The following TNPO1 variants were observed in gnomAD, a reference collection of about 807,000 sequenced individuals.
TNPO1 encodes the protein transportin 1.
TNPO1 carries 8 observed loss-of-function variants against 119.5 expected under a neutral mutation model. That is an observed-to-expected ratio of 0.07 (90% CI 0.04 to 0.12). TNPO1 has a LOEUF of 0.12. Ranked by LOEUF, TNPO1 falls within the 10% of genes least tolerant of loss-of-function variation. TNPO1 has a pLI of 1.00. For missense variants in TNPO1, 576 were observed against 1,089.8 expected, an observed-to-expected ratio of 0.53 and a Z score of 6.64; for synonymous variants, 362 against 363.0, an observed-to-expected ratio of 1.00 and a Z score of 0.03.
At chr5:72,829,310 G>A (rs1404622676) in intron 1 of TNPO1, among the ~76,000 whole-genome samples, 3 of 152,172 alleles carry the variant, frequency 2.0e-5, no homozygotes, top group South Asian at 2.1e-4. Flanking sequence ...AAAGACTTCC[G>A]TTGGATAGAA....
intron 15 of TNPO1, among the ~76,000 whole-genome samples, chr5:72,892,323 ATGT>A (rs1749124479): frequency 6.6e-6 from 1 of 151,836 alleles, no homozygotes. Flanking sequence ...CTTTTATATG[ATGT>A]TCTCGTAACT....
Position 72,859,673 on chromosome 5 carries a change from G to T in TNPO1, c.356-2135G>T, listed in dbSNP as rs1746277002. On this transcript the variant is annotated intron_variant, in intron 4 of 24. Coordinates refer to ENST00000337273, the MANE Select transcript of TNPO1 (RefSeq NM_002270.4). ...CTCTTGTTTAGAGAGTATACAGTTTGTTTGTAATTTTATTATTTCAATGAA... is the reference window on the plus strand; with the variant it reads ...CTCTTGTTTAGAGAGTATACAGTTTTTTTGTAATTTTATTATTTCAATGAA... 2.6e-5 allele frequency among the ~76,000 whole-genome samples: 4 copies of T among 152,180 alleles called. 1 individual carries two copies. The South Asian group carries it at 8.3e-4, about 32-fold the overall frequency.
At chr5:72,897,694 A>G (rs982416402) in intron 20 of TNPO1, among the ~76,000 whole-genome samples, 4 of 151,218 alleles carry the variant, frequency 2.6e-5, no homozygotes, top group Non-Finnish European at 5.9e-5. Context: ...TGTTTATATT[A>G]AAGAGTACCT....
At chr5:72,838,362 C>T (rs952952127) in intron 1 of TNPO1, among the ~76,000 whole-genome samples, 6 of 152,202 alleles carry the variant, frequency 3.9e-5, no homozygotes, top group Non-Finnish European at 7.4e-5. Flanking sequence ...AATGGTTATC[C>T]CAGTGTGCTA....
At chr5:72,823,607 C>T (rs529241659) in intron 1 of TNPO1, among the ~76,000 whole-genome samples, 1 of 152,316 alleles carries the variant, frequency 6.6e-6, no homozygotes, top group African/African-American at 2.4e-5. Context: ...GCCCCTTACC[C>T]TCTTGATGTT....
chr5:72,817,607 C>T (rs1019587310), intron 1 of TNPO1, among the ~76,000 whole-genome samples: 1 of 152,160 alleles, frequency 6.6e-6, no homozygotes, highest in African/African-American at 2.4e-5. Flanking sequence ...AAATTGGAGG[C>T]TATCTACAAA....
intron 5 of TNPO1, chr5:72,862,358 T>G (rs1345940384): frequency 6.2e-6 from 1 of 162,362 alleles, no homozygotes; most frequent in African/African-American, 2.4e-5. Flanking sequence ...AGACAGGGTC[T>G]CACTCTGTTT....
In TNPO1 at chr5:72,891,884, C is replaced by G. The variant is rs1205002415; in HGVS notation, c.1776C>G (p.Phe592Leu). The part of the protein sequence containing the change: ...NMLKDEDKDL[F>L]PLLECLSSVA... ...TAAAGGATGAAGATAAAGATCTCTT[C>G]CCTTTACTTGAGGTATGCAGGGCTA... Residue 592 changes from phenylalanine (F) to leucine (L), a missense_variant, in exon 15 of 25, where the codon TTC becomes TTG. Around this residue, in one of 6 missense-constraint regions of TNPO1, gnomAD observed 23 missense variants for 105.8 expected, o/e 0.22. Transcript: ENST00000337273. 2 of 1,611,088 alleles carry G rather than the reference C, an allele frequency of 1.2e-6. No individual in the cohort carries two copies. Among genetic ancestry groups the G allele is most frequent in the South Asian group, 1.1e-5 (1 of 90,576 alleles).
intron 6 of TNPO1, among the ~76,000 whole-genome samples, chr5:72,866,986 G>A (rs1048849616): frequency 2.6e-5 from 4 of 151,836 alleles, no homozygotes; most frequent in Admixed American, 2.6e-4. Context: ...ACCAGCCTAC[G>A]CAACATAGCA....
chr5:72,835,209 A>G (rs1460709029), intron 1 of TNPO1, among the ~76,000 whole-genome samples: 1 of 152,210 alleles, frequency 6.6e-6, no homozygotes, highest in African/African-American at 2.4e-5. Context: ...CAATTTTTGT[A>G]CTGATTTAAT....
intron 6 of TNPO1, among the ~76,000 whole-genome samples, chr5:72,867,634 AGACCTT>A (rs1747018169): frequency 6.6e-6 from 1 of 152,226 alleles, no homozygotes; most frequent in Non-Finnish European, 1.5e-5. Context: ...AACAAAATGA[AGACCTT>A]GACAACAGTC....
intron 9 of TNPO1, chr5:72,878,825 T>A: frequency 2.5e-6 from 1 of 399,138 alleles, no homozygotes; most frequent in African/African-American, 2.1e-5. Context: ...CTTTTTTTCT[T>A]CAAGAGCAGA....
intron 1 of TNPO1, 22 bp downstream of exon 1, chr5:72,816,774 G>A (rs2112143756): frequency 6.3e-7 from 1 of 1,581,308 alleles, no homozygotes; most frequent in Non-Finnish European, 8.6e-7. Flanking sequence ...GAGGGTGCGC[G>A]GCCCCGAACT....
At chr5:72,882,053 A>T (rs1264532265) in intron 9 of TNPO1, among the ~76,000 whole-genome samples, 4 of 152,226 alleles carry the variant, frequency 2.6e-5, no homozygotes, top group Admixed American at 2.0e-4. Flanking sequence ...GTTGATAAAG[A>T]TCATCAGTGA....
chr5:72,906,275 C>CTTTTCTT (rs1750152401), intron 24 of TNPO1, among the ~76,000 whole-genome samples: 1 of 54,674 alleles, frequency 1.8e-5, no homozygotes, highest in African/African-American at 6.8e-5. Flanking sequence ...TTTTTTTTTT[C>CTTTTCTT]TTTTTTTTTT....
intron 20 of TNPO1, among the ~76,000 whole-genome samples, chr5:72,898,435 T>C (rs1392712018): frequency 6.6e-6 from 1 of 152,140 alleles, no homozygotes; most frequent in Non-Finnish European, 1.5e-5. Flanking sequence ...CTAAAGTTGA[T>C]GGATTAAATT....
chr5:72,838,466 CT>C (rs1744785344), intron 1 of TNPO1, among the ~76,000 whole-genome samples: 1 of 151,958 alleles, frequency 6.6e-6, no homozygotes, highest in South Asian at 2.1e-4. Context: ...TGAATCATAC[CT>C]TTTATTAACT....
chr5:72,856,592 A>T (rs910774909), intron 4 of TNPO1, among the ~76,000 whole-genome samples: 23 of 152,182 alleles, frequency 1.5e-4, no homozygotes, highest in African/African-American at 4.8e-4. Flanking sequence ...TTTACATGTG[A>T]AGAAATACTT....
chr5:72,881,454 C>G (rs895045176), intron 9 of TNPO1, among the ~76,000 whole-genome samples: 1 of 152,198 alleles, frequency 6.6e-6, no homozygotes, highest in African/African-American at 2.4e-5. Context: ...CTACCCTGCT[C>G]TAGACTAATT....
Sources: gnomAD v4.1 joint callset for allele counts (sites outside exome capture counted in the v4.1 genomes callset) on GRCh38, gnomAD v4.1.1 for gene constraint, gnomAD v4.1.1 regional missense constraint, MANE v1.5 for transcripts, NCBI Gene and HGNC (gene_info 2026-07-23, HGNC 2026-07-21) for gene names.